SGCZ: variants seen among roughly 807,000 people sequenced by gnomAD.
SGCZ encodes sarcoglycan zeta.
SGCZ carries 40 observed loss-of-function variants against 41.3 expected under a neutral mutation model. The observed-to-expected ratio is 0.97, with a 90% CI of 0.75 to 1.26. SGCZ has a LOEUF of 1.26. Among genes scored for constraint, SGCZ ranks in the 50% most tolerant of loss-of-function variants. The probability of loss-of-function intolerance (pLI) is 0.00; values close to 1 mark genes in which losing one functional copy is unlikely to be tolerated. For missense variants in SGCZ, 552 were observed against 369.8 expected (o/e 1.49, Z -4.04); for synonymous variants, 206 against 137.5 (o/e 1.50, Z -3.49).
At chr8:14,412,050 A>G (rs1468618730) in intron 2 of SGCZ, among the ~76,000 whole-genome samples, 3 of 152,126 alleles carry the variant, frequency 2.0e-5, no homozygotes, top group Non-Finnish European at 4.4e-5. Context: ...CATCCTTCCC[A>G]TAAAGCCAGT....
At chr8:14,224,623 G>A (rs989548659) in intron 4 of SGCZ, among the ~76,000 whole-genome samples, 1 of 152,120 alleles carries the variant, frequency 6.6e-6, no homozygotes, top group African/African-American at 2.4e-5. Flanking sequence ...CAGAAAGACA[G>A]AAAAACAGTA....
At chr8:14,492,484 AT>A (rs1485635555) in intron 2 of SGCZ, among the ~76,000 whole-genome samples, 1 of 152,170 alleles carries the variant, frequency 6.6e-6, no homozygotes, top group African/African-American at 2.4e-5. Context: ...TTTCCTGTTT[AT>A]TTCAGTGCTT....
At chr8:14,457,123 A>T (rs1329044027) in intron 2 of SGCZ, among the ~76,000 whole-genome samples, 2 of 152,250 alleles carry the variant, frequency 1.3e-5, no homozygotes, top group Non-Finnish European at 2.9e-5. Flanking sequence ...AGATATGATT[A>T]TATATGAATA....
intron 1 of SGCZ, among the ~76,000 whole-genome samples, chr8:14,596,847 T>C (rs1805428527): frequency 6.6e-6 from 1 of 152,076 alleles, no homozygotes; most frequent in African/African-American, 2.4e-5. Context: ...TAAAAAATAA[T>C]AAAGAAACAG....
intron 2 of SGCZ, among the ~76,000 whole-genome samples, chr8:14,526,425 G>A (rs1243175860): frequency 2.6e-5 from 4 of 151,984 alleles, no homozygotes; most frequent in South Asian, 2.1e-4. Context: ...ACTGTTGTAC[G>A]AACAGCTCAA....
chr8:14,463,702 G>C (rs949134919), intron 2 of SGCZ, among the ~76,000 whole-genome samples: 13 of 151,636 alleles, frequency 8.6e-5, no homozygotes, highest in Non-Finnish European at 1.5e-4. Flanking sequence ...TCTTGTTCTT[G>C]ACCTAAAAGT....
chr8:14,104,247 C>T (rs1352655909), intron 6 of SGCZ, among the ~76,000 whole-genome samples: 1 of 152,086 alleles, frequency 6.6e-6, no homozygotes, highest in Non-Finnish European at 1.5e-5. Flanking sequence ...ATTTGGAAAG[C>T]ACTACAGCAA....
chr8:14,093,265 G>A (rs1486617895), intron 7 of SGCZ, among the ~76,000 whole-genome samples: 2 of 146,450 alleles, frequency 1.4e-5, no homozygotes, highest in East Asian at 1.9e-4. Context: ...TGGCCTCCTG[G>A]TGGCCGATTT....
At chr8:14,342,483 T>A (rs1256962308) in intron 2 of SGCZ, among the ~76,000 whole-genome samples, 3 of 151,892 alleles carry the variant, frequency 2.0e-5, no homozygotes, top group Non-Finnish European at 4.4e-5. Context: ...GCCCGGCTAA[T>A]TTTTTGTATT....
intron 1 of SGCZ, among the ~76,000 whole-genome samples, chr8:14,683,389 T>TA (rs980259039): frequency 6.6e-6 from 1 of 151,848 alleles, no homozygotes; most frequent in African/African-American, 2.4e-5. Flanking sequence ...AAGCAATATA[T>TA]AAAAAAAGAA....
At chr8:14,237,167 A>T (rs989734692) in intron 4 of SGCZ, among the ~76,000 whole-genome samples, 1 of 152,166 alleles carries the variant, frequency 6.6e-6, no homozygotes, top group African/African-American at 2.4e-5. Context: ...ATTTCTTAGA[A>T]AAATGGTGCA....
intron 2 of SGCZ, among the ~76,000 whole-genome samples, chr8:14,547,134 A>C (rs1207921848): frequency 6.6e-6 from 1 of 152,194 alleles, no homozygotes; most frequent in Non-Finnish European, 1.5e-5. Flanking sequence ...AAAATAATTC[A>C]CAATATAATA....
intron 4 of SGCZ, among the ~76,000 whole-genome samples, chr8:14,178,619 C>G (rs1804626693): frequency 6.6e-6 from 1 of 152,198 alleles, no homozygotes; most frequent in Non-Finnish European, 1.5e-5. Flanking sequence ...GCTGAATTTT[C>G]TGAATCACCA....
chr8:14,786,034 ATTTT>A (rs937430923), intron 1 of SGCZ, among the ~76,000 whole-genome samples: 2 of 131,688 alleles, frequency 1.5e-5, no homozygotes, highest in Admixed American at 1.4e-4. Flanking sequence ...TATCCCCTTT[ATTTT>A]TAAGACTTTA....
intron 1 of SGCZ, among the ~76,000 whole-genome samples, chr8:15,041,314 A>G (rs868660305): frequency 2.0e-5 from 3 of 152,020 alleles, no homozygotes; most frequent in Admixed American, 6.6e-5. Flanking sequence ...TATTTCAAAT[A>G]TAACCTAGAT....
intron 2 of SGCZ, among the ~76,000 whole-genome samples, chr8:14,338,527 C>T (rs1369665603): frequency 1.3e-5 from 2 of 152,280 alleles, no homozygotes; most frequent in Non-Finnish European, 2.9e-5. Context: ...ATTGCTCTGT[C>T]ACAGCTTGAT....
chr8:14,490,146 G>A (rs1026663889), intron 2 of SGCZ, among the ~76,000 whole-genome samples: 5 of 152,124 alleles, frequency 3.3e-5, no homozygotes, highest in African/African-American at 1.2e-4. Flanking sequence ...GATTACAGGT[G>A]TGAGCCACCA....
chr8:14,652,027 C>G lies in SGCZ; in HGVS notation c.40-97101G>C, dbSNP rs1055683010. Reference sequence around the variant, plus strand: ...TGACTTTGGGGAAGTCACCGAAATTCTCTGTGGCTCACTTTTTCCATCTTT... The same window carrying G: ...TGACTTTGGGGAAGTCACCGAAATTGTCTGTGGCTCACTTTTTCCATCTTT... On this transcript the variant is annotated intron_variant, in intron 1 of 7. Transcript: ENST00000382080. Among the ~76,000 whole-genome samples the G allele has an allele frequency of 3.9e-5, 6 of 152,060 alleles. 1 individual carries two copies. The East Asian group carries it at 9.7e-4, about 25-fold the overall frequency.
chr8:14,949,507 T>C (rs1800561822), intron 1 of SGCZ, among the ~76,000 whole-genome samples: 1 of 152,110 alleles, frequency 6.6e-6, no homozygotes. Context: ...AGATTTATTA[T>C]CATAAGAAGT....
Sources: allele counts gnomAD v4.1 joint callset (sites outside exome capture counted in the v4.1 genomes callset), GRCh38; gene constraint gnomAD v4.1.1; transcripts MANE v1.5; gene names NCBI Gene and HGNC (gene_info 2026-07-23, HGNC 2026-07-21).